The following SKIC3 variants were observed in gnomAD, a reference collection of about 807,000 sequenced individuals.
SKIC3 encodes SKI3 subunit of superkiller complex, also known as superkiller complex protein 3.
the SKIC3 span, chr5:95,540,938 A>G: frequency 9.0e-7 from 1 of 1,106,942 alleles, no homozygotes; most frequent in East Asian, 2.6e-5. Context: ...ATATAAAAAT[A>G]GCAAAAGCAT....
At chr5:95,530,013 A>G in the SKIC3 span, 1 of 1,571,216 alleles carries the variant, frequency 6.4e-7, no homozygotes, top group Non-Finnish European at 8.7e-7. Context: ...TTCCTTAAAG[A>G]AAGGCTCAAA....
the SKIC3 span, chr5:95,523,396 A>G: frequency 6.8e-7 from 1 of 1,472,906 alleles, no homozygotes. Context: ...CATGTAAAGT[A>G]CACAAACATA....
the SKIC3 span, among the ~76,000 whole-genome samples, chr5:95,535,696 G>A: frequency 6.6e-6 from 1 of 151,934 alleles, no homozygotes; most frequent in Non-Finnish European, 1.5e-5. Context: ...GGAGAACTGA[G>A]ATAGGTGCAA....
chr5:95,481,608 GTTGA>G, the SKIC3 span, among the ~76,000 whole-genome samples: 1 of 151,942 alleles, frequency 6.6e-6, no homozygotes, highest in Admixed American at 6.6e-5. Context: ...ACATCTAGTT[GTTGA>G]TTAAGTATCT....
chr5:95,474,462 A>G, the SKIC3 span, among the ~76,000 whole-genome samples: 2 of 152,242 alleles, frequency 1.3e-5, no homozygotes, highest in African/African-American at 4.8e-5. Flanking sequence ...TTCTGCTTCT[A>G]GCTCGTAACA....
the SKIC3 span, chr5:95,520,750 C>A: frequency 6.2e-7 from 1 of 1,611,884 alleles, no homozygotes; most frequent in Non-Finnish European, 8.5e-7. Flanking sequence ...TCTATGTAGT[C>A]TACGGCTTTT....
At chr5:95,507,539 C>G in the SKIC3 span, among the ~76,000 whole-genome samples, 3 of 152,100 alleles carry the variant, frequency 2.0e-5, no homozygotes, top group Admixed American at 2.0e-4. Flanking sequence ...ATGCTCAGTT[C>G]CCTATGGGCA....
At chr5:95,479,473 G>C in the SKIC3 span, among the ~76,000 whole-genome samples, 1 of 152,092 alleles carries the variant, frequency 6.6e-6, no homozygotes, top group Non-Finnish European at 1.5e-5. Flanking sequence ...ATTTACAGTA[G>C]ACCCTCTCCT....
At chr5:95,506,251 C>T in the SKIC3 span, among the ~76,000 whole-genome samples, 1 of 152,126 alleles carries the variant, frequency 6.6e-6, no homozygotes, top group Non-Finnish European at 1.5e-5. Context: ...TAACTGGCTA[C>T]CTAAGGTCTG....
the SKIC3 span, chr5:95,541,999 A>T: frequency 1.3e-6 from 1 of 786,062 alleles, no homozygotes; most frequent in Non-Finnish European, 2.1e-6. Context: ...ATAATCTATA[A>T]AGATTATTTC....
At chr5:95,512,908 G>T in the SKIC3 span, 3 of 345,670 alleles carry the variant, frequency 8.7e-6, no homozygotes, top group South Asian at 3.4e-5. Flanking sequence ...ATTGCCAAAG[G>T]TCAGACCAAA....
At chr5:95,478,382 T>G in the SKIC3 span, 4 of 1,613,900 alleles carry the variant, frequency 2.5e-6, no homozygotes, top group Admixed American at 6.7e-5. Context: ...TGTAGACTCT[T>G]TCTGTAACAC....
At chr5:95,517,604 T>A in the SKIC3 span, among the ~76,000 whole-genome samples, 1 of 152,244 alleles carries the variant, frequency 6.6e-6, no homozygotes, top group East Asian at 1.9e-4. Context: ...AATAAATAAA[T>A]AAGTTTTCCA....
chr5:95,527,927 G>A, the SKIC3 span: 15 of 1,470,728 alleles, frequency 1.0e-5, no homozygotes, highest in Admixed American at 2.5e-4. Context: ...ATCCATATAA[G>A]TAAATTTTGT....
At chr5:95,536,816 C>T in the SKIC3 span, 4 of 1,607,798 alleles carry the variant, frequency 2.5e-6, no homozygotes, top group Admixed American at 3.3e-5. Context: ...GAAGAAATTA[C>T]CTGATTCAAT....
At chr5:95,506,427 T>C in the SKIC3 span, among the ~76,000 whole-genome samples, 1 of 152,200 alleles carries the variant, frequency 6.6e-6, no homozygotes, top group Admixed American at 6.5e-5. Flanking sequence ...TGGTCCTAGT[T>C]CTACCCTCTA....
chr5:95,465,088 T>C, the SKIC3 span, among the ~76,000 whole-genome samples: 3 of 151,650 alleles, frequency 2.0e-5, no homozygotes, highest in Non-Finnish European at 4.4e-5. Flanking sequence ...CCACCACACC[T>C]GGCTAATTTT....
chr5:95,523,720 A>T, the SKIC3 span: 1 of 1,613,654 alleles, frequency 6.2e-7, no homozygotes, highest in Non-Finnish European at 8.5e-7. Context: ...GTGTCATCTA[A>T]TTCAAAGGCT....
At chr5:95,503,989 G>A in the SKIC3 span, 1 of 1,572,608 alleles carries the variant, frequency 6.4e-7, no homozygotes, top group African/African-American at 1.4e-5. Flanking sequence ...ATTCTGGTGT[G>A]TATCATCAAA....
Sources: gnomAD v4.1 joint callset for allele counts (sites outside exome capture counted in the v4.1 genomes callset) on GRCh38, gnomAD v4.1.1 for gene constraint, MANE v1.5 for transcripts, NCBI Gene and HGNC (gene_info 2026-07-23, HGNC 2026-07-21) for gene names.